BRD1: variants seen among roughly 807,000 people sequenced by gnomAD.
The protein encoded by BRD1 is bromodomain-containing protein 1.
Under a neutral mutation model 107.7 loss-of-function variants are expected in BRD1, and 24 were observed. The ratio of observed to expected loss-of-function variants is 0.22; its 90% confidence interval spans 0.16 to 0.31. The LOEUF (loss-of-function observed/expected upper bound fraction) is 0.31. BRD1 is among the 10% of genes least tolerant of loss of function. The pLI, the probability that BRD1 is intolerant of heterozygous loss-of-function variation, is 1.00. For synonymous variants in BRD1, 744 were observed against 686.1 expected (o/e 1.08, Z -1.32); for missense variants, 1,279 against 1,638.6 (o/e 0.78, Z 3.79).
Position 49,823,820 on chromosome 22 carries a change from C to T in BRD1, c.498G>A (p.Leu166=), listed in dbSNP as rs149060366. The change falls in exon 2 of 13, where the codon CTG becomes CTA. Residue 166 remains leucine, a synonymous_variant. Transcript: ENST00000404760. ...CCTTGCGCTTCTCATTGACGATCTC[C>T]AGCCAGGCATAGTCCTCCTCGTCCA... is the stretch of plus-strand genomic sequence containing the variant. ...YDMDEEDYAW[L]EIVNEKRKGD... 1,058 of 1,614,182 alleles carry T rather than the reference C, an allele frequency of 6.6e-4. 3 individuals are homozygous for T. Among genetic ancestry groups the T allele is most frequent in the Middle Eastern group, 4.9e-3 (30 of 6,062 alleles).
intron 2 of BRD1, among the ~76,000 whole-genome samples, chr22:49,821,346 CA>C (rs1205698060): frequency 6.6e-6 from 1 of 152,222 alleles, no homozygotes; most frequent in Non-Finnish European, 1.5e-5. Context: ...ACCTCTTATA[CA>C]GAAGCTCTTA....
At chr22:49,797,704 G>A in intron 6 of BRD1, 101 bp downstream of exon 6, 3 of 1,245,276 alleles carry the variant, frequency 2.4e-6, no homozygotes, top group South Asian at 3.3e-5. Context: ...CATGCTAGTG[G>A]CTCCCGGACC....
chr22:49,812,727 G>T (rs2059873589), intron 2 of BRD1, among the ~76,000 whole-genome samples: 1 of 152,194 alleles, frequency 6.6e-6, no homozygotes, highest in Non-Finnish European at 1.5e-5. Flanking sequence ...GGTGAAGCAG[G>T]AACTTTAAAG....
In BRD1 at chr22:49,777,751, T is replaced by C. The variant is rs756999647; in HGVS notation, c.2920A>G (p.Lys974Glu). The change falls in exon 9 of 13, where the codon AAG (lysine) becomes GAG (glutamate). Residue 974 changes from lysine to glutamate, a missense_variant. By Grantham distance (56) the Lys-to-Glu change is moderately conservative. This residue lies in a region of BRD1 where 263 missense variants were observed against 251.6 expected (regional missense o/e 1.05). Coordinates refer to ENST00000404760, the MANE Select transcript of BRD1 (RefSeq NM_001304808.3). The part of the protein sequence containing the change: ...EQEPGGGLGR[K>E]ATPRRRCASE... ...GCACAGCGTCGTCGGGGTGTGGCCT[T>C]CCTCCCCAGGCCGCCGCCCGGCTCC... 5.6e-6 allele frequency: 9 copies of C among 1,606,650 alleles called. 1 individual carries two copies. In the Admixed American group the frequency reaches 1.5e-4, roughly 27 times the overall value.
chr22:49,822,967 A>G lies in BRD1; in HGVS notation c.1351T>C (p.Tyr451His). ...CAVLPTVCAPYIPPQRLNRIA... is the reference protein window; with the variant it reads ...CAVLPTVCAPHIPPQRLNRIA... ...CACGCTTACCTCTGCGGGGGAATAT[A>G]AGGAGCGCACACGGTCGGCAGGACC... Residue 451 changes from tyrosine to histidine, a missense_variant, in exon 2 of 13, where the codon TAT becomes CAT. Around this residue, in one of 7 missense-constraint regions of BRD1, gnomAD observed 87 missense variants for 77.1 expected, o/e 1.13. Transcript: ENST00000404760. The G allele has an allele frequency of 6.2e-7, 1 of 1,614,050 alleles. No individual in the cohort carries two copies. The highest frequency in any genetic ancestry group is 8.5e-7 in the Non-Finnish European group (1 of 1,179,994).
chr22:49,788,475 A>AT (rs1243046580), intron 7 of BRD1, among the ~76,000 whole-genome samples: 1 of 152,232 alleles, frequency 6.6e-6, no homozygotes, highest in East Asian at 1.9e-4. Context: ...CACGTTCCCA[A>AT]ATATTGTGAT....
chr22:49,799,743 C>T (rs2059607727), intron 3 of BRD1, among the ~76,000 whole-genome samples: 2 of 152,232 alleles, frequency 1.3e-5, no homozygotes, highest in South Asian at 2.1e-4. Context: ...GCACAGGCCG[C>T]CAGCCTCAAC....
chr22:49,787,364 C>A, intron 8 of BRD1, 26 bp downstream of exon 8: 2 of 1,550,556 alleles, frequency 1.3e-6, no homozygotes, highest in Non-Finnish European at 1.7e-6. Context: ...GCAAGGGCGC[C>A]TCTCAGGGCC....
intron 2 of BRD1, among the ~76,000 whole-genome samples, chr22:49,805,132 G>A (rs1400702514): frequency 2.6e-5 from 4 of 152,166 alleles, no homozygotes; most frequent in Admixed American, 6.5e-5. Flanking sequence ...GCTAACAGGT[G>A]CTGTTTTACC....
intron 7 of BRD1, among the ~76,000 whole-genome samples, chr22:49,791,012 C>T (rs1055501075): frequency 6.6e-6 from 1 of 152,260 alleles, no homozygotes; most frequent in Non-Finnish European, 1.5e-5. Flanking sequence ...CGGTGCGGAC[C>T]CTGCTCCTCC....
intron 2 of BRD1, among the ~76,000 whole-genome samples, chr22:49,808,728 TAC>T (rs1280006529): frequency 1.3e-5 from 2 of 152,156 alleles, no homozygotes; most frequent in African/African-American, 4.8e-5. Flanking sequence ...AAAACTTGAA[TAC>T]AGAGAGTTAA....
chr22:49,774,049 C>T lies in BRD1; in HGVS notation c.*184G>A, dbSNP rs946232958. The T allele has an allele frequency of 1.3e-6, 1 of 774,844 alleles. No homozygotes were observed. Among genetic ancestry groups the T allele is most frequent in the Non-Finnish European group, 2.0e-6 (1 of 511,038 alleles). The allele number at this position is 774,844 out of a possible 1,614,324, so 48.0% of individuals were successfully genotyped here. A position where few individuals can be genotyped will look rare whatever the true frequency, so the allele number is the denominator to read the frequency against. On this transcript the variant is annotated 3_prime_UTR_variant, in exon 13 of 13. Coordinates refer to ENST00000404760, the MANE Select transcript of BRD1 (RefSeq NM_001304808.3). ...ACTGGGCTGCCCGGACGTGCCCACC[C>T]CACTCACAGCGCCCAGACGGAGATG...
intron 7 of BRD1, among the ~76,000 whole-genome samples, chr22:49,791,259 A>T (rs1308049161): frequency 6.6e-6 from 1 of 152,240 alleles, no homozygotes; most frequent in Non-Finnish European, 1.5e-5. Flanking sequence ...CGGCTACGGC[A>T]GAGCCTGCGG....
rs1299198029 is a variant in BRD1, at chr22:49,797,829, G to A, written c.2074C>T (p.Arg692Trp). The A allele has an allele frequency of 8.7e-6, 14 of 1,605,412 alleles. No homozygotes were observed. The highest frequency in any genetic ancestry group is 2.2e-5 in the East Asian group (1 of 44,776). The change falls in exon 6 of 13, where the codon CGG becomes TGG. Residue 692 changes from arginine to tryptophan, a missense_variant. By Grantham distance (101) the Arg-to-Trp change is moderately radical (BLOSUM62 -3). Transcript: ENST00000404760. ...CCGTCTTCCCAGGAGAAAGGCCGCC[G>A]CGGTGCCGCAGCAGGCCGCTCAGGC... ...HLPERPAAAP[R>W]RPFSWEDVDR...
At position 49,827,783 on chromosome 22, in the gene BRD1, A is replaced by AGCGGGCG. The variant is rs977924844; in HGVS notation, c.-308_-302dup. On this transcript the variant is annotated 5_prime_UTR_variant, in exon 1 of 13. Transcript: ENST00000404760. Reference sequence around the variant, plus strand: ...CGGCGGGCGCGGGCGCGGGCGCGGGAGCGGGCGGCGGGCGGCGGGCGCGGG... The same window carrying AGCGGGCG: ...CGGCGGGCGCGGGCGCGGGCGCGGGAGCGGGCGGCGGGCGGCGGGCGGCGGGCGCGGG... Among the ~76,000 whole-genome samples the AGCGGGCG allele has an allele frequency of 2.8e-3, 381 of 136,340 alleles. No homozygotes were observed. The highest frequency in any genetic ancestry group is 3.9e-3 in the Non-Finnish European group (245 of 63,106). 89.4% of individuals were successfully genotyped at this position (136,340 alleles called of 152,430 possible).
intron 2 of BRD1, among the ~76,000 whole-genome samples, chr22:49,814,055 G>A (rs138867): frequency 0.32 from 48,105 of 151,894 alleles, 10,108 homozygotes; most frequent in African/African-American, 0.6. Flanking sequence ...GTGCACGAAC[G>A]GAATTCCATG....
chr22:49,811,267 G>A (rs373986240), intron 2 of BRD1, among the ~76,000 whole-genome samples: 2 of 152,182 alleles, frequency 1.3e-5, no homozygotes, highest in South Asian at 4.1e-4. Flanking sequence ...GGGAAGTTGG[G>A]GTAATGGCTA....
intron 2 of BRD1, among the ~76,000 whole-genome samples, chr22:49,808,168 A>C (rs2059780340): frequency 6.6e-6 from 1 of 152,376 alleles, no homozygotes; most frequent in South Asian, 2.1e-4. Context: ...GTGACCTGGC[A>C]ATCCCACTTC....
intron 2 of BRD1, chr22:49,818,317 A>G: frequency 2.4e-6 from 3 of 1,276,414 alleles, no homozygotes; most frequent in Non-Finnish European, 3.1e-6. Flanking sequence ...AACCAAACCG[A>G]CACAGGCCGT....
Sources: gnomAD v4.1 joint callset for allele counts (sites outside exome capture counted in the v4.1 genomes callset) on GRCh38, gnomAD v4.1.1 for gene constraint, gnomAD v4.1.1 regional missense constraint, MANE v1.5 for transcripts, NCBI Gene and HGNC (gene_info 2026-07-23, HGNC 2026-07-21) for gene names.